Variants in MIA2 observed in about 807,000 individuals in gnomAD.
MIA2 encodes the protein MIA SH3 domain ER export factor 2.
A neutral mutation model predicts 167.8 loss-of-function variants in MIA2; 127 were observed. The ratio of observed to expected loss-of-function variants is 0.76; its 90% confidence interval spans 0.66 to 0.88. MIA2 has a LOEUF of 0.88. MIA2 is among the 40% of genes least tolerant of loss of function. The probability of loss-of-function intolerance (pLI) is 0.00; values close to 1 mark genes in which losing one functional copy is unlikely to be tolerated. For missense variants in MIA2, 1,690 were observed against 1,624.7 expected, an observed-to-expected ratio of 1.04 and a Z score of -0.69; for synonymous variants, 552 against 541.9, an observed-to-expected ratio of 1.02 and a Z score of -0.26.
At position 39,253,065 on chromosome 14, in the gene MIA2, C is replaced by T; in HGVS notation, c.1787-6C>T. 1 of 1,579,604 alleles carries T rather than the reference C, an allele frequency of 6.3e-7. No individual in the cohort carries two copies. Among genetic ancestry groups the T allele is most frequent in the Non-Finnish European group, 8.6e-7 (1 of 1,162,174 alleles). On this transcript the variant is annotated splice_region_variant and splice_polypyrimidine_tract_variant and intron_variant, in intron 5 of 28. Coordinates refer to ENST00000640607, the MANE Select transcript of MIA2 (RefSeq NM_001329214.4). ...TGCTAACATATTTTTATTTATAAAT[C>T]AACAGAAGATGCTTCTGAGTTTCAG...
intron 9 of MIA2, among the ~76,000 whole-genome samples, chr14:39,282,402 T>C (rs1008578364): frequency 1.3e-5 from 2 of 152,214 alleles, no homozygotes; most frequent in African/African-American, 4.8e-5. Context: ...AAATGGTTAC[T>C]ATAGTGAAAC....
intron 25 of MIA2, among the ~76,000 whole-genome samples, chr14:39,341,256 C>G (rs984044260): frequency 6.6e-6 from 1 of 151,882 alleles, no homozygotes; most frequent in East Asian, 1.9e-4. Flanking sequence ...GAGCTGAGAC[C>G]GCACCGTTGC....
At chr14:39,360,862 C>T (rs1467956012) in intron 23 of MIA2, among the ~76,000 whole-genome samples, 1 of 152,166 alleles carries the variant, frequency 6.6e-6, no homozygotes, top group Non-Finnish European at 1.5e-5. Context: ...TGGTTTCATT[C>T]TTCCGCATAT....
At chr14:39,288,721 A>G (rs2060304468) in intron 9 of MIA2, among the ~76,000 whole-genome samples, 2 of 151,610 alleles carry the variant, frequency 1.3e-5, no homozygotes, top group African/African-American at 4.8e-5. Context: ...TCGGCCTCCC[A>G]AAGTGCTGGG....
intron 6 of MIA2, among the ~76,000 whole-genome samples, chr14:39,259,460 T>C (rs769890504): frequency 1.3e-5 from 2 of 152,244 alleles, no homozygotes; most frequent in Non-Finnish European, 2.9e-5. Context: ...AAGAGTAATC[T>C]GAAAATTTAA....
Position 39,321,199 on chromosome 14 carries a change from A to T in MIA2, c.3496+143A>T, listed in dbSNP as rs921864567. ...TACTGTAGATAACTTTTATTTGGAAAAGGAGCTCTATGACATCTAATTTTG... is the reference window on the plus strand; with the variant it reads ...TACTGTAGATAACTTTTATTTGGAATAGGAGCTCTATGACATCTAATTTTG... On this transcript the variant is annotated intron_variant, in intron 24 of 28. Transcript: ENST00000640607. The T allele has an allele frequency of 9.4e-6, 7 of 741,938 alleles. No individual in the cohort carries two copies. In the African/African-American group the frequency reaches 1.3e-4, roughly 13 times the overall value. The allele number at this position is 741,938 out of a possible 1,614,324, so 46.0% of individuals were successfully genotyped here.
At chr14:39,380,893 G>A (rs920403009) in intron 23 of MIA2, among the ~76,000 whole-genome samples, 1 of 151,986 alleles carries the variant, frequency 6.6e-6, no homozygotes, top group Non-Finnish European at 1.5e-5. Flanking sequence ...CTATTCCGAA[G>A]AGACTAGGCC....
intron 23 of MIA2, among the ~76,000 whole-genome samples, chr14:39,370,088 A>G (rs1257318148): frequency 6.6e-6 from 1 of 152,274 alleles, no homozygotes; most frequent in Non-Finnish European, 1.5e-5. Flanking sequence ...ATAATACAAC[A>G]TTGAATTACT....
At chr14:39,349,092 C>T (rs1254745857) in intron 28 of MIA2, 115 bp downstream of exon 28, 8 of 1,264,182 alleles carry the variant, frequency 6.3e-6, no homozygotes, top group Non-Finnish European at 8.7e-6. Context: ...TTCTAGCATT[C>T]TGTGAATCTG....
intron 23 of MIA2, chr14:39,370,663 G>T: frequency 3.5e-6 from 1 of 282,410 alleles, no homozygotes. Flanking sequence ...CGCACGTGCT[G>T]CATGCCCAGC....
chr14:39,334,519 TC>T (rs796694909), intron 25 of MIA2, among the ~76,000 whole-genome samples: 32 of 151,994 alleles, frequency 2.1e-4, no homozygotes, highest in Middle Eastern at 6.8e-3. Context: ...AGGGTTCTTT[TC>T]TTTTATGTTG....
intron 9 of MIA2, among the ~76,000 whole-genome samples, chr14:39,285,596 G>T (rs538878353): frequency 5.3e-4 from 79 of 148,720 alleles, no homozygotes; most frequent in African/African-American, 1.9e-3. Flanking sequence ...CCCGGACGGG[G>T]CGGCTGGCCG....
At chr14:39,377,738 C>T (rs565370680) in intron 23 of MIA2, among the ~76,000 whole-genome samples, 1 of 151,062 alleles carries the variant, frequency 6.6e-6, no homozygotes, top group African/African-American at 2.5e-5. Context: ...CAAGAATAAT[C>T]ATTTGTTATA....
intron 6 of MIA2, among the ~76,000 whole-genome samples, chr14:39,275,847 A>C (rs1043915870): frequency 6.6e-6 from 1 of 152,138 alleles, no homozygotes; most frequent in Non-Finnish European, 1.5e-5. Flanking sequence ...GGGTAAAGGG[A>C]TATTTTTTAG....
chr14:39,364,151 A>G (rs2074764072), intron 23 of MIA2, among the ~76,000 whole-genome samples: 1 of 152,110 alleles, frequency 6.6e-6, no homozygotes. Context: ...TGAGGTCAAG[A>G]GCTCGAGACC....
At chr14:39,265,402 T>G in intron 6 of MIA2, 3 of 1,611,050 alleles carry the variant, frequency 1.9e-6, no homozygotes, top group Non-Finnish European at 2.5e-6. Context: ...GAAATGGAAT[T>G]GAAAAGTCCA....
At chr14:39,381,416 A>T (rs762830364) in intron 23 of MIA2, among the ~76,000 whole-genome samples, 1 of 152,256 alleles carries the variant, frequency 6.6e-6, no homozygotes, top group Non-Finnish European at 1.5e-5. Flanking sequence ...ACATCCTTTT[A>T]TATCTCATTA....
At chr14:39,359,864 G>C (rs941043510) in intron 23 of MIA2, among the ~76,000 whole-genome samples, 1 of 152,132 alleles carries the variant, frequency 6.6e-6, no homozygotes, top group Admixed American at 6.6e-5. Flanking sequence ...GGCATTGCAG[G>C]ATCATACAGT....
chr14:39,348,924 G>C lies in MIA2; in HGVS notation c.4019G>C (p.Arg1340Pro), dbSNP rs202143576. The C allele has an allele frequency of 2.9e-4, 473 of 1,614,048 alleles. 2 individuals are homozygous for C. In the Middle Eastern group the frequency reaches 6.8e-3, roughly 23 times the overall value. Residue 1340 changes from arginine (R) to proline (P), a missense_variant, in exon 28 of 29, where the codon CGA becomes CCA. Transcript: ENST00000640607. ...CCAGGAGCCATGTTTGGAGCTTCTC[G>C]AGATTATTTTCCACCAGGGGATTTC... is the stretch of plus-strand genomic sequence containing the variant. ...PPPGAMFGAS[R>P]DYFPPGDFPG...
Sources: gnomAD v4.1 joint callset for allele counts (sites outside exome capture counted in the v4.1 genomes callset) on GRCh38, gnomAD v4.1.1 for gene constraint, MANE v1.5 for transcripts, NCBI Gene and HGNC (gene_info 2026-07-23, HGNC 2026-07-21) for gene names.